Variants in SAMD12 observed in about 807,000 individuals in gnomAD.
The protein encoded by SAMD12 is sterile alpha motif domain-containing protein 12.
Under a neutral mutation model 15.0 loss-of-function variants are expected in SAMD12, and 9 were observed. The ratio of observed to expected loss-of-function variants is 0.60; its 90% CI spans 0.36 to 1.05. The LOEUF is 1.05. Ranked by LOEUF, SAMD12 falls within the 50% of genes least tolerant of loss-of-function variation. The pLI is 0.01. For missense variants in SAMD12, 230 were observed against 234.2 expected, an observed-to-expected ratio of 0.98 and a Z score of 0.12; for synonymous variants, 86 against 90.1, an observed-to-expected ratio of 0.96 and a Z score of 0.25.
At chr8:118,385,139 G>A (rs1819885837) in intron 3 of SAMD12, among the ~76,000 whole-genome samples, 1 of 152,166 alleles carries the variant, frequency 6.6e-6, no homozygotes. Flanking sequence ...GTGATGGTTA[G>A]TTTTATATGC....
At chr8:118,484,324 T>C (rs1824217157) in intron 2 of SAMD12, among the ~76,000 whole-genome samples, 1 of 152,232 alleles carries the variant, frequency 6.6e-6, no homozygotes, top group African/African-American at 2.4e-5. Flanking sequence ...GTTTCAGTTA[T>C]GTAGGATGAG....
At chr8:118,516,522 C>G (rs1825248830) in intron 2 of SAMD12, among the ~76,000 whole-genome samples, 1 of 152,160 alleles carries the variant, frequency 6.6e-6, no homozygotes, top group Non-Finnish European at 1.5e-5. Flanking sequence ...CCAGAAGTTT[C>G]TATTTCTCCT....
chr8:118,557,463 G>A (rs1324813122), intron 2 of SAMD12, among the ~76,000 whole-genome samples: 1 of 152,216 alleles, frequency 6.6e-6, no homozygotes, highest in Non-Finnish European at 1.5e-5. Flanking sequence ...TTTGATTGGG[G>A]TTGGAGTAGA....
intron 4 of SAMD12, among the ~76,000 whole-genome samples, chr8:118,354,294 T>C (rs138974561): frequency 1.1e-3 from 171 of 152,332 alleles, no homozygotes; most frequent in African/African-American, 3.8e-3. Flanking sequence ...ACAACAAACA[T>C]GTAAAGTAGA....
rs750174373 is a variant in SAMD12, at chr8:118,439,885, C to A, written c.269G>T (p.Cys90Phe). Reference protein sequence around the residue: ...QDVCKWLKKHCPNQYQIYSES... With the variant: ...QDVCKWLKKHFPNQYQIYSES... The stretch of plus-strand genomic sequence containing the variant: ...ACTGTAGATCTGATACTGATTCGGA[C>A]AATGTTTCTTCAACCACTTGCAGAC... The change falls in exon 3 of 4, where the codon TGT becomes TTT. Residue 90 changes from cysteine to phenylalanine, a missense_variant. By Grantham distance (205) the Cys-to-Phe change is radical. Transcript: ENST00000314727. The A allele has an allele frequency of 1.2e-6, 2 of 1,613,578 alleles. No homozygotes were observed. The highest frequency in any genetic ancestry group is 2.7e-5 in the African/African-American group (2 of 74,920).
chr8:118,169,495 C>T, the SAMD12 span, among the ~76,000 whole-genome samples: 5 of 152,142 alleles, frequency 3.3e-5, no homozygotes, highest in Non-Finnish European at 7.4e-5. Context: ...TTTCTTTGTT[C>T]CTGTGGGAAT....
At chr8:118,547,981 T>C (rs1826180424) in intron 2 of SAMD12, among the ~76,000 whole-genome samples, 2 of 152,244 alleles carry the variant, frequency 1.3e-5, no homozygotes, top group South Asian at 2.1e-4. Context: ...ATTAATAAAA[T>C]ATTCAAGCTG....
Position 118,292,341 on chromosome 8 carries a change from A to AACACACACACACACACACACACAC in SAMD12, c.433+87218_433+87219insGTGTGTGTGTGTGTGTGTGTGTGT, listed in dbSNP as rs1554624040. Among the ~76,000 whole-genome samples, 12 of 50,664 alleles carry AACACACACACACACACACACACAC rather than the reference A, an allele frequency of 2.4e-4. No homozygotes were observed. The East Asian group carries it at 5.1e-3, about 21-fold the overall frequency. The allele number at this position is 50,664 out of a possible 152,430, so 33.2% of individuals were successfully genotyped here. A position where few individuals can be genotyped will look rare whatever the true frequency, so the allele number is the denominator to read the frequency against. On this transcript the variant is annotated intron_variant, in intron 4 of 4. Coordinates refer to the SAMD12 transcript ENST00000409003. The stretch of plus-strand genomic sequence containing the variant: ...TAATAAAGTAATGTCCAAAACTGCA[A>AACACACACACACACACACACACAC]ACACACAGACACACACACACACACA...
rs546553815 is a variant in SAMD12, at chr8:118,558,563, G to A, written c.192+22152C>T. Among the ~76,000 whole-genome samples the A allele has an allele frequency of 6.2e-4, 94 of 151,780 alleles. No individual in the cohort carries two copies. In the South Asian group the frequency reaches 0.012, roughly 19 times the overall value. On this transcript the variant is annotated intron_variant, in intron 2 of 3. Coordinates refer to ENST00000314727, the MANE Select transcript of SAMD12 (RefSeq NM_207506.3). ...TAAGACTTTTGTTTTTGTTTTTTTT[G>A]TTTGTTTGTTTTTGAGACAGAGTCT...
At chr8:118,525,130 C>G (rs1037774376) in intron 2 of SAMD12, among the ~76,000 whole-genome samples, 1 of 152,182 alleles carries the variant, frequency 6.6e-6, no homozygotes, top group Non-Finnish European at 1.5e-5. Flanking sequence ...TCTGCTGAAG[C>G]CACACAGGCT....
At chr8:118,360,672 AG>A (rs1378899106) in intron 4 of SAMD12, among the ~76,000 whole-genome samples, 3 of 152,312 alleles carry the variant, frequency 2.0e-5, no homozygotes, top group Admixed American at 1.3e-4. Flanking sequence ...TTTGCCACAA[AG>A]GGTGGATGAT....
intron 1 of SAMD12, among the ~76,000 whole-genome samples, chr8:118,584,577 G>A (rs1033151075): frequency 6.6e-6 from 1 of 152,172 alleles, no homozygotes; most frequent in Non-Finnish European, 1.5e-5. Flanking sequence ...TTTATGGGAA[G>A]TGCTGCTGCT....
intron 4 of SAMD12, among the ~76,000 whole-genome samples, chr8:118,314,160 C>A (rs1815764318): frequency 6.6e-6 from 1 of 152,038 alleles, no homozygotes; most frequent in African/African-American, 2.4e-5. Flanking sequence ...ATCTGCTAAA[C>A]TATTTTAATT....
the SAMD12 span, among the ~76,000 whole-genome samples, chr8:118,177,375 G>T: frequency 2.0e-5 from 3 of 151,880 alleles, no homozygotes; most frequent in Non-Finnish European, 4.4e-5. Flanking sequence ...TGAGTAGCTG[G>T]GACTATGGGC....
the SAMD12 span, among the ~76,000 whole-genome samples, chr8:118,174,681 G>A: frequency 6.6e-6 from 1 of 151,902 alleles, no homozygotes; most frequent in East Asian, 1.9e-4. Flanking sequence ...AAGATAAAAA[G>A]GTAAAAAGTG....
the SAMD12 span, among the ~76,000 whole-genome samples, chr8:118,152,421 C>T: frequency 6.7e-6 from 1 of 149,982 alleles, no homozygotes; most frequent in Non-Finnish European, 1.5e-5. Context: ...CCTTCCTTTC[C>T]TTTCCTTTTC....
chr8:118,186,876 A>G, downstream of SAMD12, among the ~76,000 whole-genome samples: 1 of 152,142 alleles, frequency 6.6e-6, no homozygotes, highest in Middle Eastern at 3.2e-3. Context: ...GAGGATAATG[A>G]GGGTAGCATA....
chr8:118,565,421 A>C (rs946754952), intron 2 of SAMD12, among the ~76,000 whole-genome samples: 1 of 152,220 alleles, frequency 6.6e-6, no homozygotes, highest in African/African-American at 2.4e-5. Context: ...CAATGATGAC[A>C]GAGCAAAGAT....
intron 2 of SAMD12, among the ~76,000 whole-genome samples, chr8:118,491,615 C>T (rs1824442395): frequency 6.6e-6 from 1 of 152,088 alleles, no homozygotes; most frequent in Non-Finnish European, 1.5e-5. Context: ...CAATCCCTAC[C>T]CCTCAGAGTA....
Sources: gnomAD v4.1 joint callset for allele counts (sites outside exome capture counted in the v4.1 genomes callset) on GRCh38, gnomAD v4.1.1 for gene constraint, MANE v1.5 for transcripts, NCBI Gene and HGNC (gene_info 2026-07-23, HGNC 2026-07-21) for gene names.